Variants in MRPS21 observed in about 807,000 individuals in gnomAD.
The protein encoded by MRPS21 is small ribosomal subunit protein bS21m.
A neutral mutation model predicts 9.9 loss-of-function variants in MRPS21; 8 were observed. The observed-to-expected ratio is 0.81, with a 90% confidence interval of 0.47 to 1.45. The LOEUF (loss-of-function observed/expected upper bound fraction) is 1.45, where lower values mean the gene tolerates loss of function less well. Ranked by LOEUF, MRPS21 falls within the 40% of genes most tolerant of loss-of-function variation. The probability of loss-of-function intolerance (pLI) is 0.00; values close to 1 mark genes in which losing one functional copy is unlikely to be tolerated. For missense variants in MRPS21, 101 were observed against 118.9 expected, an observed-to-expected ratio of 0.85 and a Z score of 0.70; for synonymous variants, 40 against 40.3, an observed-to-expected ratio of 0.99 and a Z score of 0.03.
chr1:150,306,985 A>G (rs1211349967), intron 2 of MRPS21, among the ~76,000 whole-genome samples: 1 of 152,086 alleles, frequency 6.6e-6, no homozygotes, highest in Non-Finnish European at 1.5e-5. Flanking sequence ...ATTTGAGAAC[A>G]TAACTTTGAC....
chr1:150,303,278 T>G (rs1553857953), intron 2 of MRPS21, among the ~76,000 whole-genome samples: 1 of 152,252 alleles, frequency 6.6e-6, no homozygotes. Flanking sequence ...CCTTGTACTT[T>G]TTACATTATA....
At chr1:150,307,147 A>G (rs1654363817) in intron 2 of MRPS21, among the ~76,000 whole-genome samples, 1 of 149,634 alleles carries the variant, frequency 6.7e-6, no homozygotes, top group Non-Finnish European at 1.5e-5. Context: ...CTAGGTTCAA[A>G]CACTTCTCCT....
rs1373560633 is a variant in MRPS21 at position 150,294,438 on chromosome 1, G to T, written c.72G>T (p.Arg24Ser). 3 of 1,612,842 alleles carry T rather than the reference G, an allele frequency of 1.9e-6. No homozygotes were observed. The highest frequency in any genetic ancestry group is 1.7e-5 in the Admixed American group (1 of 59,980). ...VQEGNVESAYRTLNRILTMDG... is the reference protein window; with the variant it reads ...VQEGNVESAYSTLNRILTMDG... ...AAGGGAACGTGGAAAGCGCATACAGGACCCTAAACAGGTAACTGTTAAGGG... is the reference window on the plus strand; with the variant it reads ...AAGGGAACGTGGAAAGCGCATACAGTACCCTAAACAGGTAACTGTTAAGGG... The change falls in exon 2 of 3, where the codon AGG becomes AGT. Residue 24 changes from arginine (R) to serine (S), a missense_variant. By Grantham distance (110) the Arg-to-Ser change is moderately radical. Transcript: ENST00000614145.
At chr1:150,304,930 T>G (rs1198105488) in intron 2 of MRPS21, 1 of 319,914 alleles carries the variant, frequency 3.1e-6, no homozygotes, top group African/African-American at 2.3e-5. Context: ...TTCCGGCTAC[T>G]TGGGAAGCTG....
chr1:150,307,981 A>G (rs1016648722), intron 2 of MRPS21, 67 bp from the exon 3 acceptor site: 3 of 1,405,368 alleles, frequency 2.1e-6, no homozygotes, highest in African/African-American at 2.8e-5. Flanking sequence ...ATCGACTTCT[A>G]TTTATGAAAC....
intron 2 of MRPS21, among the ~76,000 whole-genome samples, chr1:150,303,466 T>A (rs1037449195): frequency 3.9e-5 from 6 of 152,234 alleles, no homozygotes; most frequent in African/African-American, 1.4e-4. Context: ...CATTTCCTCT[T>A]TACTCTGATT....
rs1653807971 is a variant in MRPS21, at chr1:150,293,875, T to C, written c.-56T>C. ...CTTCCGGTAGTGAGAACCCTTCCGG[T>C]GGGCTAGGTACTGAGCGCGCGAGGT... On this transcript the variant is annotated 5_prime_UTR_variant, in exon 1 of 3. Transcript: ENST00000614145. 6.2e-6 allele frequency: 1 copy of C among 160,406 alleles called. No homozygotes were observed. The allele number at this position is 160,406 out of a possible 1,614,324, so 9.9% of individuals were successfully genotyped here. A position where few individuals can be genotyped will look rare whatever the true frequency, so the allele number is the denominator to read the frequency against.
chr1:150,294,900 A>AAAAAAAG (rs1277398977), intron 2 of MRPS21, among the ~76,000 whole-genome samples: 1 of 151,510 alleles, frequency 6.6e-6, no homozygotes, highest in Non-Finnish European at 1.5e-5. Flanking sequence ...CTATCTCAAA[A>AAAAAAAG]AAAAAGAAAA....
At chr1:150,294,090 G>C in intron 1 of MRPS21, 192 bp downstream of exon 1, 1 of 370,000 alleles carries the variant, frequency 2.7e-6, no homozygotes, top group African/African-American at 2.1e-5. Flanking sequence ...TCTCATGCCC[G>C]GCGACGCGTC....
Position 150,308,151 on chromosome 1 carries a change from A to G in MRPS21, c.187A>G (p.Ile63Val), listed in dbSNP as rs782681271. 2 of 1,609,962 alleles carry G rather than the reference A, an allele frequency of 1.2e-6. No individual in the cohort carries two copies. The highest frequency in any genetic ancestry group is 8.5e-7 in the Non-Finnish European group (1 of 1,176,448). Residue 63 changes from isoleucine (I) to valine (V), a missense_variant, in exon 3 of 3, where the codon ATC becomes GTC. Coordinates refer to ENST00000614145, the MANE Select transcript of MRPS21 (RefSeq NM_031901.6). ...GGAAAGCTATGAAAGGTGCCGGCGG[A>G]TCTACAACATGGAAATGGCTCGCAA... ...QRESYERCRR[I>V]YNMEMARKIN...
At chr1:150,300,974 G>C (rs1553857566) in intron 2 of MRPS21, among the ~76,000 whole-genome samples, 2 of 151,972 alleles carry the variant, frequency 1.3e-5, no homozygotes, top group African/African-American at 4.8e-5. Context: ...GAGGCGGGTG[G>C]ATCATCTGAG....
chr1:150,296,139 A>G (rs946346527), intron 2 of MRPS21, among the ~76,000 whole-genome samples: 1 of 151,852 alleles, frequency 6.6e-6, no homozygotes, highest in African/African-American at 2.4e-5. Context: ...TTTAGTAGAG[A>G]GGGTTTCACC....
At chr1:150,302,503 C>T (rs148263545) in intron 2 of MRPS21, among the ~76,000 whole-genome samples, 1 of 152,272 alleles carries the variant, frequency 6.6e-6, no homozygotes, top group Non-Finnish European at 1.5e-5. Context: ...TCTGTCCTGA[C>T]GTAGACTGGC....
At chr1:150,306,362 C>T (rs1351851934) in intron 2 of MRPS21, among the ~76,000 whole-genome samples, 2 of 152,108 alleles carry the variant, frequency 1.3e-5, no homozygotes, top group Non-Finnish European at 2.9e-5. Flanking sequence ...ACTACAGCCT[C>T]CACCCCGAGT....
At chr1:150,301,234 C>G (rs1325941162) in intron 2 of MRPS21, 1 of 178,508 alleles carries the variant, frequency 5.6e-6, no homozygotes, top group African/African-American at 2.4e-5. Flanking sequence ...ACTCGGGAGG[C>G]TGAGGCAGGA....
chr1:150,294,326 A>G lies in MRPS21; in HGVS notation c.-32-9A>G. 1 of 1,548,594 alleles carries G rather than the reference A, an allele frequency of 6.5e-7. No individual in the cohort carries two copies. The highest frequency in any genetic ancestry group is 8.9e-7 in the Non-Finnish European group (1 of 1,122,490). On this transcript the variant is annotated splice_polypyrimidine_tract_variant and intron_variant, in intron 1 of 2. Transcript: ENST00000614145. ...CTGCTTTCCTCGCCCTTTCTCCATC[A>G]TCCTTTAGGCTCTACAGAGTGAAGG... is the stretch of plus-strand genomic sequence containing the variant.
Position 150,308,034 on chromosome 1 carries a change from T to A in MRPS21, c.84-14T>A. On this transcript the variant is annotated splice_polypyrimidine_tract_variant and intron_variant, in intron 2 of 2. Coordinates refer to ENST00000614145, the MANE Select transcript of MRPS21 (RefSeq NM_031901.6). The stretch of plus-strand genomic sequence containing the variant: ...GATCCCAAATGTCTAACCTCATTGC[T>A]TGCCTTTATACAGAATCCTCACTAT... 6.4e-7 allele frequency: 1 copy of A among 1,552,204 alleles called. No homozygotes were observed. The highest frequency in any genetic ancestry group is 2.3e-5 in the East Asian group (1 of 43,696).
rs782049926 is a variant in MRPS21 at position 150,301,750 on chromosome 1, C to A, written c.84-6298C>A. Among the ~76,000 whole-genome samples the A allele has an allele frequency of 3.9e-5, 6 of 152,018 alleles. No individual in the cohort carries two copies. The South Asian group carries it at 1.2e-3, about 32-fold the overall frequency. ...CCTCCCGAGTAGCTGGGATTACAGG[C>A]ACCTGCCACCACGTCCGGCTAATTT... On this transcript the variant is annotated intron_variant, in intron 2 of 2. Coordinates refer to ENST00000614145, the MANE Select transcript of MRPS21 (RefSeq NM_031901.6).
At chr1:150,299,086 C>T (rs1169910693) in intron 2 of MRPS21, among the ~76,000 whole-genome samples, 3 of 152,168 alleles carry the variant, frequency 2.0e-5, no homozygotes, top group African/African-American at 7.2e-5. Flanking sequence ...CATGGTGGCA[C>T]AGGTCTGTAA....
Sources: gnomAD v4.1 joint callset for allele counts (sites outside exome capture counted in the v4.1 genomes callset) on GRCh38, gnomAD v4.1.1 for gene constraint, MANE v1.5 for transcripts, NCBI Gene and HGNC (gene_info 2026-07-23, HGNC 2026-07-21) for gene names.